EHBP1: variants seen among roughly 807,000 people sequenced by gnomAD.
EHBP1 encodes EH domain-binding protein 1.
A neutral mutation model predicts 144.0 loss-of-function variants in EHBP1; 55 were observed. That is an observed-to-expected ratio of 0.38 (90% CI 0.31 to 0.48). The LOEUF (loss-of-function observed/expected upper bound fraction) is 0.48. Ranked by LOEUF, EHBP1 falls within the 20% of genes least tolerant of loss-of-function variation. The pLI is 0.98. For synonymous variants in EHBP1, 469 were observed against 472.7 expected, an observed-to-expected ratio of 0.99 and a Z score of 0.10; for missense variants, 1,200 against 1,364.2, an observed-to-expected ratio of 0.88 and a Z score of 1.90.
chr2:63,004,386 G>C (rs1258815077), intron 19 of EHBP1, among the ~76,000 whole-genome samples: 3 of 152,032 alleles, frequency 2.0e-5, no homozygotes, highest in African/African-American at 7.2e-5. Context: ...ATATCATCCT[G>C]ATAAGATAGG....
Position 62,761,378 on chromosome 2 carries a change from AAG to A in EHBP1, c.163-2884_163-2883del, listed in dbSNP as rs563959262. ...AGTTTTGTGACAGGGTGGCAATAGA[AAG>A]AGAATAGAGGGAGAATTATTGACAA... is the stretch of plus-strand genomic sequence containing the variant. On this transcript the variant is annotated intron_variant, in intron 3 of 22. Transcript: ENST00000431489. 7.2e-4 allele frequency among the ~76,000 whole-genome samples: 109 copies of A among 152,294 alleles called. 1 individual carries two copies. The highest frequency in any genetic ancestry group is 1.2e-3 in the Non-Finnish European group (81 of 68,024).
chr2:62,780,104 C>A (rs1290172127), intron 5 of EHBP1, among the ~76,000 whole-genome samples: 3 of 152,068 alleles, frequency 2.0e-5, no homozygotes, highest in East Asian at 3.9e-4. Flanking sequence ...AACTTAACTG[C>A]CTTTTAGATG....
intron 10 of EHBP1, among the ~76,000 whole-genome samples, chr2:62,928,758 A>G (rs1272003692): frequency 6.6e-6 from 1 of 151,892 alleles, no homozygotes; most frequent in Non-Finnish European, 1.5e-5. Context: ...TAGAAAAACA[A>G]TTGAGAAAAT....
At chr2:62,919,164 G>A (rs1221161450) in intron 10 of EHBP1, among the ~76,000 whole-genome samples, 1 of 152,158 alleles carries the variant, frequency 6.6e-6, no homozygotes, top group African/African-American at 2.4e-5. Flanking sequence ...GCTGATTGCT[G>A]CCTCTGATAC....
chr2:62,711,438 G>A (rs1165648351), intron 2 of EHBP1, among the ~76,000 whole-genome samples: 4 of 152,170 alleles, frequency 2.6e-5, no homozygotes, highest in Non-Finnish European at 5.9e-5. Flanking sequence ...CACTTGGGGA[G>A]GAAAAGGTTT....
chr2:62,955,478 T>A (rs781414207), intron 13 of EHBP1, 39 bp from the exon 14 acceptor site: 7 of 1,569,850 alleles, frequency 4.5e-6, no homozygotes, highest in South Asian at 2.4e-5. Flanking sequence ...GATTACCCGT[T>A]TTTTTTTTGG....
chr2:62,964,945 G>A (rs2153150130), intron 14 of EHBP1: 1 of 152,740 alleles, frequency 6.5e-6, no homozygotes, highest in South Asian at 2.1e-4. Flanking sequence ...TAGTAGATCA[G>A]AGCAGTAATT....
intron 14 of EHBP1, among the ~76,000 whole-genome samples, chr2:62,956,462 A>C (rs1372313881): frequency 6.6e-6 from 1 of 152,160 alleles, no homozygotes; most frequent in Non-Finnish European, 1.5e-5. Flanking sequence ...ACGTTTACCC[A>C]AAGAAGTACC....
chr2:63,036,666 G>T (rs977142358), intron 19 of EHBP1, among the ~76,000 whole-genome samples: 7 of 151,952 alleles, frequency 4.6e-5, no homozygotes, highest in Non-Finnish European at 1.0e-4. Flanking sequence ...ATAATTTGAA[G>T]GGAGAGAAAG....
chr2:62,983,172 A>G (rs1386876164), intron 15 of EHBP1, among the ~76,000 whole-genome samples: 7 of 152,192 alleles, frequency 4.6e-5, no homozygotes, highest in African/African-American at 4.8e-5. Context: ...CATTCTATGT[A>G]ACAAACGATG....
chr2:62,807,478 G>A (rs1338697563), intron 5 of EHBP1, among the ~76,000 whole-genome samples: 1 of 152,156 alleles, frequency 6.6e-6, no homozygotes, highest in Non-Finnish European at 1.5e-5. Flanking sequence ...AACCCAGGAG[G>A]CGGAGGTTGC....
chr2:62,858,920 T>C (rs1393990771), intron 7 of EHBP1, among the ~76,000 whole-genome samples: 1 of 152,208 alleles, frequency 6.6e-6, no homozygotes, highest in African/African-American at 2.4e-5. Flanking sequence ...TAAATTGACA[T>C]GGAAGTTTCT....
chr2:62,923,882 A>G (rs552770040), intron 10 of EHBP1, among the ~76,000 whole-genome samples: 100 of 152,332 alleles, frequency 6.6e-4, no homozygotes, highest in African/African-American at 2.4e-3. Flanking sequence ...AGCTGACTGC[A>G]TCATGGCCCT....
At chr2:62,872,625 C>T (rs1441714471) in intron 9 of EHBP1, among the ~76,000 whole-genome samples, 4 of 152,054 alleles carry the variant, frequency 2.6e-5, no homozygotes, top group Non-Finnish European at 5.9e-5. Context: ...AAATTATACA[C>T]TTTAAAATTT....
At chr2:62,905,261 G>A (rs548857056) in intron 10 of EHBP1, among the ~76,000 whole-genome samples, 1 of 152,190 alleles carries the variant, frequency 6.6e-6, no homozygotes, top group East Asian at 1.9e-4. Context: ...GGGTTAGCCA[G>A]TAGGACAAGG....
chr2:63,000,557 T>C (rs1193985840), intron 19 of EHBP1, among the ~76,000 whole-genome samples: 1 of 151,734 alleles, frequency 6.6e-6, no homozygotes, highest in Non-Finnish European at 1.5e-5. Flanking sequence ...ATTAGCAGGA[T>C]GTGGTGGTGG....
At chr2:62,748,919 G>A (rs1245064028) in intron 3 of EHBP1, among the ~76,000 whole-genome samples, 1 of 151,952 alleles carries the variant, frequency 6.6e-6, no homozygotes, top group Non-Finnish European at 1.5e-5. Context: ...AGTAAGATTT[G>A]ATCAATATGT....
intron 2 of EHBP1, among the ~76,000 whole-genome samples, chr2:62,719,531 G>A (rs1374409185): frequency 6.6e-6 from 1 of 152,180 alleles, no homozygotes; most frequent in Non-Finnish European, 1.5e-5. Context: ...CAATTTTGAA[G>A]GAAACGTAGC....
At chr2:62,780,704 G>C (rs1379426517) in intron 5 of EHBP1, among the ~76,000 whole-genome samples, 1 of 152,108 alleles carries the variant, frequency 6.6e-6, no homozygotes, top group Non-Finnish European at 1.5e-5. Flanking sequence ...TTTGTGTAAT[G>C]CAAGAAACTC....
Sources: allele counts gnomAD v4.1 joint callset (sites outside exome capture counted in the v4.1 genomes callset), GRCh38; gene constraint gnomAD v4.1.1; transcripts MANE v1.5; gene names NCBI Gene and HGNC (gene_info 2026-07-23, HGNC 2026-07-21).